The following STAG1 variants were observed in gnomAD, a reference collection of about 807,000 sequenced individuals.
STAG1 encodes cohesin subunit SA-1.
In STAG1, 26 loss-of-function variants were observed where a neutral mutation model predicts 170.9. That is an observed-to-expected ratio of 0.15 (90% confidence interval 0.11 to 0.21). The LOEUF is 0.21. Ranked by LOEUF, STAG1 falls within the 10% of genes least tolerant of loss-of-function variation. STAG1 has a pLI of 1.00. For missense variants in STAG1, 964 were observed against 1,509.5 expected, an observed-to-expected ratio of 0.64 and a Z score of 5.99; for synonymous variants, 514 against 497.7, an observed-to-expected ratio of 1.03 and a Z score of -0.44.
At chr3:136,643,573 A>G (rs1940881872) in intron 1 of STAG1, among the ~76,000 whole-genome samples, 1 of 152,180 alleles carries the variant, frequency 6.6e-6, no homozygotes, top group Non-Finnish European at 1.5e-5. Context: ...CAACAGCGCA[A>G]TCTCAGCTCA....
chr3:136,367,396 G>A (rs1179535920), intron 24 of STAG1, among the ~76,000 whole-genome samples: 1 of 151,852 alleles, frequency 6.6e-6, no homozygotes, highest in African/African-American at 2.4e-5. Flanking sequence ...AGATAGGGAG[G>A]GCTGATTATA....
chr3:136,721,489 T>G (rs1201346499), intron 1 of STAG1: 1 of 152,354 alleles, frequency 6.6e-6, no homozygotes, highest in African/African-American at 2.4e-5. Flanking sequence ...GCTGCCAAAG[T>G]GAGCACTCTT....
intron 3 of STAG1, among the ~76,000 whole-genome samples, chr3:136,613,174 G>A (rs1228871078): frequency 2.6e-5 from 4 of 151,768 alleles, no homozygotes; most frequent in Non-Finnish European, 5.9e-5. Flanking sequence ...GTGTGGTGGC[G>A]GGTGCCTGTA....
intron 4 of STAG1, among the ~76,000 whole-genome samples, chr3:136,572,968 G>A (rs1375829820): frequency 6.6e-6 from 1 of 152,148 alleles, no homozygotes. Flanking sequence ...TTGAGGCCAG[G>A]AGTTCGAGAG....
chr3:136,371,674 G>A (rs959796342), intron 23 of STAG1, among the ~76,000 whole-genome samples: 99 of 152,116 alleles, frequency 6.5e-4, no homozygotes, highest in African/African-American at 2.3e-3. Context: ...GTAGATATGC[G>A]GCATTATTTC....
At chr3:136,740,545 A>G (rs1258508111) in intron 1 of STAG1, among the ~76,000 whole-genome samples, 2 of 152,096 alleles carry the variant, frequency 1.3e-5, no homozygotes, top group Non-Finnish European at 1.5e-5. Context: ...TAGTGGCGCA[A>G]TCTCAGCTCA....
chr3:136,751,795 C>A (rs1029098167), intron 1 of STAG1, among the ~76,000 whole-genome samples: 1 of 137,600 alleles, frequency 7.3e-6, no homozygotes, highest in East Asian at 2.0e-4. Context: ...CGGGCGACTC[C>A]CGAGAGCCCG....
intron 4 of STAG1, among the ~76,000 whole-genome samples, chr3:136,570,742 C>T (rs961589849): frequency 2.6e-5 from 4 of 152,244 alleles, no homozygotes; most frequent in African/African-American, 9.6e-5. Flanking sequence ...TTAGCCCATG[C>T]TGATTAAGCA....
intron 12 of STAG1, among the ~76,000 whole-genome samples, chr3:136,466,279 T>A (rs2089456711): frequency 1.3e-5 from 2 of 152,118 alleles, no homozygotes; most frequent in Non-Finnish European, 2.9e-5. Context: ...AATGGCTAAC[T>A]AGAATAACCA....
At chr3:136,505,263 G>A (rs1191496187) in intron 7 of STAG1, among the ~76,000 whole-genome samples, 1 of 152,196 alleles carries the variant, frequency 6.6e-6, no homozygotes, top group Admixed American at 6.5e-5. Context: ...TTCTTGTCTA[G>A]CAAGGAGAAG....
intron 23 of STAG1, among the ~76,000 whole-genome samples, chr3:136,376,251 A>G (rs758622476): frequency 5.7e-4 from 87 of 152,252 alleles, no homozygotes; most frequent in Non-Finnish European, 1.0e-3. Context: ...CTCTAGCCCA[A>G]TATCAAAATA....
chr3:136,441,968 C>A (rs1256407263), intron 15 of STAG1, among the ~76,000 whole-genome samples: 1 of 152,054 alleles, frequency 6.6e-6, no homozygotes. Context: ...TAGGCCGAGG[C>A]GGGAGGATCA....
chr3:136,368,007 T>C (rs1273678859), intron 24 of STAG1, among the ~76,000 whole-genome samples: 3 of 152,172 alleles, frequency 2.0e-5, no homozygotes, highest in African/African-American at 4.8e-5. Flanking sequence ...CTCCCTTATA[T>C]GTATAGATTC....
rs544878470 is a variant in STAG1, at chr3:136,358,407, G to GT, written c.2937-560dup. Reference sequence around the variant, plus strand: ...GGCCCACTATGTGTAGTTTTTAGAGGTAAGAAGATACCCTGGACAGAGAAT... The same window carrying GT: ...GGCCCACTATGTGTAGTTTTTAGAGGTTAAGAAGATACCCTGGACAGAGAAT... On this transcript the variant is annotated intron_variant, in intron 27 of 33. Coordinates refer to ENST00000383202, the MANE Select transcript of STAG1 (RefSeq NM_005862.3). Among the ~76,000 whole-genome samples, 484 of 152,144 alleles carry GT rather than the reference G, an allele frequency of 3.2e-3. 1 individual carries two copies. Among genetic ancestry groups the GT allele is most frequent in the Non-Finnish European group, 5.7e-3 (388 of 67,988 alleles).
chr3:136,339,777 C>CATTACTA (rs1454865775), intron 32 of STAG1, among the ~76,000 whole-genome samples: 41 of 152,252 alleles, frequency 2.7e-4, no homozygotes, highest in African/African-American at 9.9e-4. Flanking sequence ...AAACACCATG[C>CATTACTA]ATTACTATTC....
chr3:136,729,488 A>T (rs1359437172), intron 1 of STAG1, among the ~76,000 whole-genome samples: 1 of 151,886 alleles, frequency 6.6e-6, no homozygotes, highest in Non-Finnish European at 1.5e-5. Context: ...AGTAAATAAG[A>T]TCTAGAGGTT....
At chr3:136,455,265 C>T (rs1241248051) in intron 13 of STAG1, among the ~76,000 whole-genome samples, 1 of 152,136 alleles carries the variant, frequency 6.6e-6, no homozygotes, top group Non-Finnish European at 1.5e-5. Flanking sequence ...AAGGATACCA[C>T]CCTGAATATG....
intron 1 of STAG1, among the ~76,000 whole-genome samples, chr3:136,691,321 G>C (rs1231260520): frequency 2.6e-5 from 4 of 152,014 alleles, no homozygotes; most frequent in Non-Finnish European, 5.9e-5. Flanking sequence ...TGTAGTCCCA[G>C]CTACTCGGGA....
chr3:136,639,806 C>G (rs1398390331), intron 1 of STAG1, among the ~76,000 whole-genome samples: 6 of 152,120 alleles, frequency 3.9e-5, no homozygotes, highest in Non-Finnish European at 7.4e-5. Flanking sequence ...CAAAAATACA[C>G]ATGGTGTTTT....
Sources: allele counts gnomAD v4.1 joint callset (sites outside exome capture counted in the v4.1 genomes callset), GRCh38; gene constraint gnomAD v4.1.1; transcripts MANE v1.5; gene names NCBI Gene and HGNC (gene_info 2026-07-23, HGNC 2026-07-21).